The following COL6A6 variants were observed in gnomAD, a reference collection of about 807,000 sequenced individuals.
COL6A6 encodes the protein collagen type VI alpha 6 chain, also known as collagen alpha-6(VI) chain.
In COL6A6, 183 loss-of-function variants were observed where a neutral mutation model predicts 208.6. The ratio of observed to expected loss-of-function variants is 0.88; its 90% CI spans 0.78 to 0.99. The LOEUF is 0.99. Ranked by LOEUF, COL6A6 falls within the 50% of genes least tolerant of loss-of-function variation. The pLI is 0.00. For missense variants in COL6A6, 2,816 were observed against 2,815.2 expected, an observed-to-expected ratio of 1.00 and a Z score of -0.01; for synonymous variants, 973 against 1,011.8, an observed-to-expected ratio of 0.96 and a Z score of 0.73.
intron 20 of COL6A6, among the ~76,000 whole-genome samples, chr3:130,604,494 CAAA>C (rs559789872): frequency 9.5e-5 from 8 of 83,942 alleles, no homozygotes; most frequent in Non-Finnish European, 1.0e-4. Flanking sequence ...GACTCCGTCT[CAAA>C]AAAAAAAAAA....
In COL6A6 at chr3:130,568,353, G is replaced by A; in HGVS notation, c.2150G>A (p.Gly717Asp). 1 of 1,613,990 alleles carries A rather than the reference G, an allele frequency of 6.2e-7. No individual in the cohort carries two copies. Among genetic ancestry groups the A allele is most frequent in the Non-Finnish European group, 8.5e-7 (1 of 1,179,904 alleles). Residue 717 changes from glycine to aspartate, a missense_variant, in exon 6 of 37, where the codon GGC becomes GAC. By Grantham distance (94) the Gly-to-Asp change is moderately conservative (BLOSUM62 -1). Transcript: ENST00000358511. ...FVSQYFSPTK[G>D]ARPNIRKFLI... Reference sequence around the variant, plus strand: ...TCTCAGTACTTCAGCCCCACCAAGGGCGCCCGGCCCAACATCAGAAAGTTT... The same window carrying A: ...TCTCAGTACTTCAGCCCCACCAAGGACGCCCGGCCCAACATCAGAAAGTTT...
intron 28 of COL6A6, among the ~76,000 whole-genome samples, chr3:130,637,985 T>G (rs2065205418): frequency 6.6e-6 from 1 of 152,036 alleles, no homozygotes; most frequent in African/African-American, 2.4e-5. Context: ...GATTCCAGCA[T>G]CAACTACCCT....
At chr3:130,599,837 C>T in intron 20 of COL6A6, 27 bp downstream of exon 20, 1 of 1,611,408 alleles carries the variant, frequency 6.2e-7, no homozygotes, top group South Asian at 1.1e-5. Context: ...ACAAGGAGAC[C>T]CACTGTTTTG....
chr3:130,648,938 T>G, intron 32 of COL6A6, 131 bp from the exon 33 acceptor site: 1 of 692,180 alleles, frequency 1.4e-6, no homozygotes, highest in Non-Finnish European at 2.2e-6. Context: ...ATATTTTACA[T>G]GTTTGTTTTA....
At chr3:130,557,399 T>C (rs1279454490) in intron 1 of COL6A6, among the ~76,000 whole-genome samples, 2 of 152,254 alleles carry the variant, frequency 1.3e-5, no homozygotes, top group Non-Finnish European at 2.9e-5. Flanking sequence ...GGATTTATCC[T>C]GCAGCATTTT....
At chr3:130,611,402 A>G (rs1285559101) in intron 23 of COL6A6, among the ~76,000 whole-genome samples, 1 of 152,198 alleles carries the variant, frequency 6.6e-6, no homozygotes, top group Non-Finnish European at 1.5e-5. Flanking sequence ...GAACGGCCCT[A>G]CATGATCTGG....
At chr3:130,665,521 A>G (rs2066053229) in intron 36 of COL6A6, among the ~76,000 whole-genome samples, 1 of 152,208 alleles carries the variant, frequency 6.6e-6, no homozygotes, top group African/African-American at 2.4e-5. Context: ...AAAACCAACA[A>G]TGTCTTTTCA....
intron 21 of COL6A6, 54 bp from the exon 22 acceptor site, chr3:130,608,848 G>T (rs1191562260): frequency 6.8e-6 from 8 of 1,183,376 alleles, no homozygotes; most frequent in Non-Finnish European, 9.2e-6. Context: ...TGCAGGTAAA[G>T]GAGACAAAAT....
intron 6 of COL6A6, among the ~76,000 whole-genome samples, chr3:130,569,098 C>T (rs903845363): frequency 7.2e-5 from 11 of 152,262 alleles, no homozygotes; most frequent in African/African-American, 1.7e-4. Flanking sequence ...CCCTGTGTCA[C>T]GTGGGCTACA....
intron 1 of COL6A6, among the ~76,000 whole-genome samples, chr3:130,532,958 C>T (rs189248102): frequency 3.9e-5 from 6 of 152,198 alleles, no homozygotes; most frequent in Admixed American, 2.6e-4. Context: ...TTCAGAATAG[C>T]GGAACTCCTT....
intron 1 of COL6A6, among the ~76,000 whole-genome samples, chr3:130,522,502 A>G (rs935884877): frequency 2.0e-5 from 3 of 152,128 alleles, no homozygotes; most frequent in Non-Finnish European, 2.9e-5. Flanking sequence ...GGGTGTTCCT[A>G]TCCCCTCCAC....
rs369313731 is a variant in COL6A6, at chr3:130,567,098, T to C, written c.1679T>C (p.Leu560Pro). The change falls in exon 5 of 37, where the codon CTG becomes CCG. Residue 560 changes from leucine (L) to proline (P), a missense_variant. Physicochemically the swap from Leu to Pro is moderately conservative, Grantham distance 98. Transcript: ENST00000358511. ...AGCATCTTGGAGCCTGCAAACAGACTGAGAGAAGAGCACATCCGAGTTTAT... is the reference window on the plus strand; with the variant it reads ...AGCATCTTGGAGCCTGCAAACAGACCGAGAGAAGAGCACATCCGAGTTTAT... The part of the protein sequence containing the change: ...KDSILEPANR[L>P]REEHIRVYAI... The C allele has an allele frequency of 1.2e-6, 2 of 1,613,842 alleles. No individual in the cohort carries two copies. The highest frequency in any genetic ancestry group is 2.7e-5 in the African/African-American group (2 of 74,906).
At chr3:130,558,015 T>G (rs1237857293) in intron 1 of COL6A6, among the ~76,000 whole-genome samples, 1 of 152,246 alleles carries the variant, frequency 6.6e-6, no homozygotes, top group Non-Finnish European at 1.5e-5. Context: ...AAGAGACATG[T>G]ACCTTTGAGA....
intron 19 of COL6A6, among the ~76,000 whole-genome samples, chr3:130,598,784 T>C (rs1345338161): frequency 6.6e-6 from 1 of 152,206 alleles, no homozygotes; most frequent in East Asian, 1.9e-4. Context: ...GGAGGTAACA[T>C]ACCCTAAAAA....
At chr3:130,575,302 C>T (rs2107964331) in intron 8 of COL6A6, among the ~76,000 whole-genome samples, 1 of 152,254 alleles carries the variant, frequency 6.6e-6, no homozygotes, top group East Asian at 1.9e-4. Context: ...ATAGCAGTAC[C>T]TAGTTCAAAA....
At chr3:130,638,755 T>C (rs2065227588) in intron 28 of COL6A6, among the ~76,000 whole-genome samples, 1 of 152,242 alleles carries the variant, frequency 6.6e-6, no homozygotes, top group Non-Finnish European at 1.5e-5. Flanking sequence ...TTGAAGGCTG[T>C]CATTCCTCCA....
chr3:130,620,121 T>A (rs551793098), intron 23 of COL6A6, among the ~76,000 whole-genome samples: 3 of 140,094 alleles, frequency 2.1e-5, no homozygotes, highest in African/African-American at 9.9e-5. Flanking sequence ...TTTGTTTTGT[T>A]TTTTTTTGGC....
intron 36 of COL6A6, among the ~76,000 whole-genome samples, chr3:130,666,329 TATC>T (rs1178635787): frequency 6.6e-6 from 1 of 152,208 alleles, no homozygotes; most frequent in Non-Finnish European, 1.5e-5. Flanking sequence ...GTGGTAGTAG[TATC>T]ATGTTTTTAT....
intron 7 of COL6A6, among the ~76,000 whole-genome samples, chr3:130,572,356 C>G (rs570064076): frequency 4.6e-5 from 7 of 152,292 alleles, no homozygotes; most frequent in Admixed American, 1.3e-4. Context: ...AGATTGTTCT[C>G]TACTTAGTTT....
Sources: allele counts gnomAD v4.1 joint callset (sites outside exome capture counted in the v4.1 genomes callset), GRCh38; gene constraint gnomAD v4.1.1; transcripts MANE v1.5; gene names NCBI Gene and HGNC (gene_info 2026-07-23, HGNC 2026-07-21).